The following JAKMIP3 variants were observed in gnomAD, a reference collection of about 807,000 sequenced individuals.
JAKMIP3 encodes the protein janus kinase and microtubule-interacting protein 3.
JAKMIP3 carries 58 observed loss-of-function variants against 118.5 expected under a neutral mutation model. The observed-to-expected ratio is 0.49, with a 90% CI of 0.40 to 0.61. The LOEUF (loss-of-function observed/expected upper bound fraction) is 0.61, where lower values mean the gene tolerates loss of function less well. JAKMIP3 is among the 20% of genes least tolerant of loss of function. The pLI is 0.00. For synonymous variants in JAKMIP3, 486 were observed against 451.2 expected, an observed-to-expected ratio of 1.08 and a Z score of -0.98; for missense variants, 950 against 1,109.0, an observed-to-expected ratio of 0.86 and a Z score of 2.04.
At chr10:132,150,717 C>T (rs2055973028) in intron 16 of JAKMIP3, among the ~76,000 whole-genome samples, 1 of 151,990 alleles carries the variant, frequency 6.6e-6, no homozygotes, top group Admixed American at 6.6e-5. Flanking sequence ...TATCCGTCCT[C>T]CATAATCCAT....
intron 1 of JAKMIP3, among the ~76,000 whole-genome samples, chr10:132,059,555 G>A (rs1438539411): frequency 6.6e-6 from 1 of 152,226 alleles, no homozygotes; most frequent in East Asian, 1.9e-4. Flanking sequence ...TGGGGCTCTT[G>A]GGCCTCCACC....
chr10:132,071,183 G>GTGTGTT (rs2039781826), intron 1 of JAKMIP3, among the ~76,000 whole-genome samples: 1 of 136,728 alleles, frequency 7.3e-6, no homozygotes, highest in Non-Finnish European at 1.6e-5. Context: ...GTGTGTGTGT[G>GTGTGTT]TGTGTGTGTT....
chr10:132,111,352 C>CT (rs1030544872), intron 2 of JAKMIP3, among the ~76,000 whole-genome samples: 2 of 151,702 alleles, frequency 1.3e-5, no homozygotes, highest in African/African-American at 4.8e-5. Context: ...AGCAGAGACC[C>CT]CCCCCATGAG....
Position 132,168,827 on chromosome 10 carries a change from C to A in JAKMIP3, c.*897C>A. The A allele has an allele frequency of 4.7e-6, 1 of 214,182 alleles. No individual in the cohort carries two copies. The highest frequency in any genetic ancestry group is 9.4e-6 in the Non-Finnish European group (1 of 106,228). The allele number at this position is 214,182 out of a possible 1,614,324, so 13.3% of individuals were successfully genotyped here. A position where few individuals can be genotyped will look rare whatever the true frequency, so the allele number is the denominator to read the frequency against. Reference sequence around the variant, plus strand: ...AGAAGTCACAGAGGCCCTGGGCACCCAGAGCCACCCAGCCTGGAAGCCCCT... The same window carrying A: ...AGAAGTCACAGAGGCCCTGGGCACCAAGAGCCACCCAGCCTGGAAGCCCCT... On this transcript the variant is annotated 3_prime_UTR_variant, in exon 23 of 24. Transcript: ENST00000684848.
At chr10:132,149,009 A>G (rs965503175) in intron 14 of JAKMIP3, among the ~76,000 whole-genome samples, 5 of 152,164 alleles carry the variant, frequency 3.3e-5, no homozygotes, top group African/African-American at 1.2e-4. Context: ...CTGTGGGGAC[A>G]GTGGCAGCAC....
At chr10:132,060,537 G>A (rs979967662), upstream of JAKMIP3, among the ~76,000 whole-genome samples, 13 of 152,294 alleles carry the variant, frequency 8.5e-5, no homozygotes, top group East Asian at 1.9e-4. Flanking sequence ...ACCCTGGTGC[G>A]TGTTCCTGCA....
Position 132,139,426 on chromosome 10 carries a change from GTGTT to G in JAKMIP3, c.1345-1021_1345-1018del, listed in dbSNP as rs1267981165. ...AGTGTGTATGTGTGAGTGTGTGTGT[GTGTT>G]TGTGTGTACATGTGAGTGTATATGT... is the stretch of plus-strand genomic sequence containing the variant. On this transcript the variant is annotated intron_variant, in intron 9 of 23. Transcript: ENST00000684848. Among the ~76,000 whole-genome samples the G allele has an allele frequency of 5.3e-4, 42 of 79,632 alleles. 1 individual carries two copies. The highest frequency in any genetic ancestry group is 1.8e-3 in the South Asian group (6 of 3,320). 52.2% of individuals were successfully genotyped at this position (79,632 alleles called of 152,430 possible). A position where few individuals can be genotyped will look rare whatever the true frequency, so the allele number is the denominator to read the frequency against.
Position 132,049,293 on chromosome 10 carries a change from C to T in JAKMIP3, c.-138+12555C>T, listed in dbSNP as rs1350031933. 6.6e-6 allele frequency among the ~76,000 whole-genome samples: 1 copy of T among 152,186 alleles called. No individual in the cohort carries two copies. On this transcript the variant is annotated intron_variant, in intron 1 of 23. Transcript: ENST00000657785. This position sits in a 1 kb window ranked among gnomAD's most constrained non-coding sequence, Gnocchi z 4.3. Reference sequence around the variant, plus strand: ...TGAGCACTGACCCACGGCTTTGCTTCCCTTCCTTAGGGCTGGGAGTGCTGC... The same window carrying T: ...TGAGCACTGACCCACGGCTTTGCTTTCCTTCCTTAGGGCTGGGAGTGCTGC...
At chr10:132,085,634 G>A (rs1247214457) in intron 1 of JAKMIP3, among the ~76,000 whole-genome samples, 1 of 151,938 alleles carries the variant, frequency 6.6e-6, no homozygotes, top group African/African-American at 2.4e-5. Flanking sequence ...CCGAGTAGCT[G>A]GGACTACCAG....
In JAKMIP3 at chr10:132,136,197, G is replaced by T. The variant is rs554496340; in HGVS notation, c.1116+121G>T. ...TCCCGGGCGGGTGGCCAGGCCTTCTGCTGGAGTCTGGCCTCACGCATGTTT... is the reference window on the plus strand; with the variant it reads ...TCCCGGGCGGGTGGCCAGGCCTTCTTCTGGAGTCTGGCCTCACGCATGTTT... On this transcript the variant is annotated intron_variant, in intron 6 of 23. Transcript: ENST00000684848. The T allele has an allele frequency of 1.7e-5, 18 of 1,030,622 alleles. No homozygotes were observed. In the South Asian group the frequency reaches 2.7e-4, roughly 16 times the overall value. The allele number at this position is 1,030,622 out of a possible 1,614,324, so 63.8% of individuals were successfully genotyped here. A position where few individuals can be genotyped will look rare whatever the true frequency, so the allele number is the denominator to read the frequency against.
chr10:132,135,851 G>A, intron 5 of JAKMIP3, 79 bp from the exon 6 acceptor site: 5 of 1,461,098 alleles, frequency 3.4e-6, no homozygotes, highest in Non-Finnish European at 4.6e-6. Flanking sequence ...CCAAGCTGTG[G>A]TCAGTCAGCC....
At chr10:132,063,711 C>T (rs2038489381), upstream of JAKMIP3, among the ~76,000 whole-genome samples, 1 of 152,228 alleles carries the variant, frequency 6.6e-6, no homozygotes, top group South Asian at 2.1e-4. Flanking sequence ...AAAGCACATA[C>T]ACGCATGTGC....
chr10:132,117,212 C>T lies in JAKMIP3; in HGVS notation c.271C>T (p.Arg91Cys), dbSNP rs374779116. ...EEKMKELQAVRETLLRQHEAE... is the reference protein window; with the variant it reads ...EEKMKELQAVCETLLRQHEAE... ...GAAGATGAAGGAGCTACAGGCTGTG[C>T]GTGAGACGCTGCTGCGGCAGCATGA... Residue 91 changes from arginine to cysteine, a missense_variant, in exon 3 of 24, where the codon CGT becomes TGT. Transcript: ENST00000684848. This position sits in a 1 kb window ranked among gnomAD's most constrained non-coding sequence, Gnocchi z 8.6. The T allele has an allele frequency of 2.0e-5, 32 of 1,613,966 alleles. No homozygotes were observed. Among genetic ancestry groups the T allele is most frequent in the Admixed American group, 1.7e-5 (1 of 60,032 alleles).
In JAKMIP3 at chr10:132,137,304, C is replaced by T. The variant is rs369062849; in HGVS notation, c.1284+15C>T. 91 of 1,613,554 alleles carry T rather than the reference C, an allele frequency of 5.6e-5. No homozygotes were observed. The highest frequency in any genetic ancestry group is 8.3e-5 in the Admixed American group (5 of 60,002). ...AGAGCGTGTTAGTAAGTATGGTCAG[C>T]GCCCGCTTCCCCACGCCTCCGCTCC... On this transcript the variant is annotated intron_variant, in intron 8 of 23. Coordinates refer to ENST00000684848, the MANE Select transcript of JAKMIP3 (RefSeq NM_001323087.2).
rs2045648663 is a variant in JAKMIP3 at position 132,104,790 on chromosome 10, CT to C, written c.-18del. 3.2e-6 allele frequency: 5 copies of C among 1,547,796 alleles called. No individual in the cohort carries two copies. The highest frequency in any genetic ancestry group is 2.0e-5 in the Admixed American group (1 of 50,932). On this transcript the variant is annotated 5_prime_UTR_variant, in exon 2 of 24. Coordinates refer to ENST00000684848, the MANE Select transcript of JAKMIP3 (RefSeq NM_001323087.2). ...GAGCACCCTACCCCTGGGCATCCCC[CT>C]GGCCATCCAGCCTCACCATGTCCAA...
chr10:132,140,270 C>G (rs1020120037), intron 9 of JAKMIP3, among the ~76,000 whole-genome samples, 181 bp from the exon 10 acceptor site: 1 of 152,190 alleles, frequency 6.6e-6, no homozygotes, highest in Non-Finnish European at 1.5e-5. Context: ...GCCCTGCCAG[C>G]CTTGCCATAG....
At chr10:132,158,997 G>GT (rs1491492562) in intron 19 of JAKMIP3, among the ~76,000 whole-genome samples, 1 of 54,280 alleles carries the variant, frequency 1.8e-5, no homozygotes, top group Non-Finnish European at 3.7e-5. Context: ...GTGTGATGCT[G>GT]GGGGGGGGCC....
intron 1 of JAKMIP3, among the ~76,000 whole-genome samples, chr10:132,091,095 G>C (rs1304157590): frequency 1.3e-5 from 2 of 152,216 alleles, no homozygotes; most frequent in Non-Finnish European, 2.9e-5. Flanking sequence ...GGTTTTGAGT[G>C]AGTTTCTTAA....
chr10:132,108,711 A>G (rs982325505), intron 2 of JAKMIP3, among the ~76,000 whole-genome samples: 1 of 151,990 alleles, frequency 6.6e-6, no homozygotes, highest in Non-Finnish European at 1.5e-5. Context: ...GTGTCATTTA[A>G]AACATTCAAT....
Sources: gnomAD v4.1 joint callset for allele counts (sites outside exome capture counted in the v4.1 genomes callset) on GRCh38, gnomAD v4.1.1 for gene constraint, Gnocchi (gnomAD v3.1) non-coding constraint, MANE v1.5 for transcripts, NCBI Gene and HGNC (gene_info 2026-07-23, HGNC 2026-07-21) for gene names.